VAMP4: variants seen among roughly 807,000 people sequenced by gnomAD.
VAMP4 encodes the protein vesicle-associated membrane protein 4.
A neutral mutation model predicts 23.5 loss-of-function variants in VAMP4; 19 were observed. The observed-to-expected ratio is 0.81, with a 90% CI of 0.56 to 1.19. VAMP4 has a LOEUF of 1.19. VAMP4 is among the 50% of genes most tolerant of loss of function. VAMP4 has a pLI of 0.00. For missense variants in VAMP4, 145 were observed against 168.6 expected (o/e 0.86, Z 0.78); for synonymous variants, 31 against 51.0 (o/e 0.61, Z 1.67).
At chr1:171,716,003 AAAAC>A (rs1356113080) in intron 4 of VAMP4, among the ~76,000 whole-genome samples, 6 of 152,348 alleles carry the variant, frequency 3.9e-5, no homozygotes, top group Non-Finnish European at 7.3e-5. Flanking sequence ...CCTGTTTCAA[AAAAC>A]AAACAAAGCA....
intron 2 of VAMP4, among the ~76,000 whole-genome samples, chr1:171,737,027 C>T (rs1333857501): frequency 2.6e-5 from 4 of 152,016 alleles, no homozygotes; most frequent in African/African-American, 4.8e-5. Context: ...AAAAGCTGTA[C>T]AAAGGGTTAG....
intron 2 of VAMP4, among the ~76,000 whole-genome samples, chr1:171,736,558 G>A (rs1451298510): frequency 6.6e-6 from 1 of 152,150 alleles, no homozygotes; most frequent in East Asian, 1.9e-4. Context: ...AACTGGATTT[G>A]GCAACATGGA....
At chr1:171,730,341 A>G (rs1397322104) in intron 2 of VAMP4, among the ~76,000 whole-genome samples, 2 of 152,262 alleles carry the variant, frequency 1.3e-5, no homozygotes, top group African/African-American at 4.8e-5. Flanking sequence ...GGATGATACA[A>G]TCAATGAATC....
chr1:171,707,954 TG>T (rs2124838054), intron 6 of VAMP4, among the ~76,000 whole-genome samples: 1 of 152,222 alleles, frequency 6.6e-6, no homozygotes, highest in Non-Finnish European at 1.5e-5. Context: ...GAGTGGCTCA[TG>T]GACTTTTTGT....
At chr1:171,723,581 G>A (rs1201723040) in intron 3 of VAMP4, among the ~76,000 whole-genome samples, 1 of 152,170 alleles carries the variant, frequency 6.6e-6, no homozygotes, top group Non-Finnish European at 1.5e-5. Context: ...AGACCTAATG[G>A]TTATCTCCCT....
chr1:171,729,529 T>A (rs1655491180), intron 2 of VAMP4, among the ~76,000 whole-genome samples: 1 of 152,236 alleles, frequency 6.6e-6, no homozygotes, highest in African/African-American at 2.4e-5. Flanking sequence ...GGCATCATGC[T>A]GGTACTTAAA....
chr1:171,731,462 A>C (rs1413053498), intron 2 of VAMP4, among the ~76,000 whole-genome samples: 1 of 152,226 alleles, frequency 6.6e-6, no homozygotes, highest in Non-Finnish European at 1.5e-5. Flanking sequence ...TATGCAGAGA[A>C]TTAAAACAGT....
At chr1:171,740,363 G>C (rs1043697242) in intron 1 of VAMP4, among the ~76,000 whole-genome samples, 5 of 152,174 alleles carry the variant, frequency 3.3e-5, no homozygotes, top group Non-Finnish European at 7.4e-5. Flanking sequence ...CAGTTTGTTT[G>C]TTAATGATAT....
chr1:171,719,046 A>C, intron 4 of VAMP4, 125 bp downstream of exon 4: 4 of 738,632 alleles, frequency 5.4e-6, no homozygotes, highest in Non-Finnish European at 8.8e-6. Context: ...GGGCATGGCT[A>C]TGTTCCAATA....
chr1:171,722,142 CA>C (rs1655216507), intron 3 of VAMP4, among the ~76,000 whole-genome samples: 1 of 152,028 alleles, frequency 6.6e-6, no homozygotes, highest in Admixed American at 6.5e-5. Flanking sequence ...CTGACAAAAA[CA>C]AGAAATAGGG....
At chr1:171,734,097 A>C (rs890638842) in intron 2 of VAMP4, among the ~76,000 whole-genome samples, 7 of 152,012 alleles carry the variant, frequency 4.6e-5, no homozygotes, top group African/African-American at 1.7e-4. Flanking sequence ...GTGGAACCCC[A>C]TCTCTACTAA....
At chr1:171,717,464 A>G (rs570953046) in intron 4 of VAMP4, among the ~76,000 whole-genome samples, 2 of 152,136 alleles carry the variant, frequency 1.3e-5, no homozygotes, top group East Asian at 3.9e-4. Context: ...TTCCCTTATG[A>G]GACTATCATA....
At chr1:171,717,369 T>C (rs1027458089) in intron 4 of VAMP4, among the ~76,000 whole-genome samples, 2 of 152,204 alleles carry the variant, frequency 1.3e-5, no homozygotes, top group African/African-American at 4.8e-5. Flanking sequence ...TACAGCTAAT[T>C]TGAGTCCTGG....
intron 2 of VAMP4, among the ~76,000 whole-genome samples, chr1:171,734,228 A>G (rs913178560): frequency 4.2e-4 from 60 of 142,086 alleles, no homozygotes; most frequent in African/African-American, 1.4e-3. Context: ...AGATCGCACC[A>G]TTGGACTCCA....
At position 171,732,360 on chromosome 1, in the gene VAMP4, G is replaced by GA. The variant is rs532876540; in HGVS notation, c.67-3791dup. ...ACATAGCAAGACCGTGTCTCTATGG[G>GA]AAAAAAAAAAAAAAAAAAAAAATTT... On this transcript the variant is annotated intron_variant, in intron 2 of 7. Coordinates refer to ENST00000236192, the MANE Select transcript of VAMP4 (RefSeq NM_003762.5). Among the ~76,000 whole-genome samples, 467 of 123,508 alleles carry GA rather than the reference G, an allele frequency of 3.8e-3. 3 individuals are homozygous for GA. Among genetic ancestry groups the GA allele is most frequent in the Middle Eastern group, 7.9e-3 (2 of 252 alleles). The allele number at this position is 123,508 out of a possible 152,430, so 81.0% of individuals were successfully genotyped here.
intron 7 of VAMP4, among the ~76,000 whole-genome samples, chr1:171,706,092 G>A (rs1654641259): frequency 6.6e-6 from 1 of 151,942 alleles, no homozygotes; most frequent in South Asian, 2.1e-4. Flanking sequence ...TGGGGGTGAG[G>A]GTTGGGGGCA....
At chr1:171,731,425 T>TA (rs200377599) in intron 2 of VAMP4, among the ~76,000 whole-genome samples, 4 of 151,470 alleles carry the variant, frequency 2.6e-5, no homozygotes, top group Admixed American at 6.6e-5. Context: ...ATAATAATAA[T>TA]AAAAAAAACA....
In VAMP4 at chr1:171,703,678, A is replaced by C. The variant is rs1572235803; in HGVS notation, c.*828T>G. 1 of 152,216 alleles carries C rather than the reference A, an allele frequency of 6.6e-6. No individual in the cohort carries two copies. The highest frequency in any genetic ancestry group is 1.5e-5 in the Non-Finnish European group (1 of 67,770). 9.4% of individuals were successfully genotyped at this position (152,216 alleles called of 1,614,324 possible). On this transcript the variant is annotated 3_prime_UTR_variant, in exon 8 of 8. Transcript: ENST00000236192. ...ACTAAAATAAAATTAAGGAGTAAGT[A>C]AGTTACCTGTAAATTTCATTTACTC... is the stretch of plus-strand genomic sequence containing the variant.
chr1:171,706,367 T>A lies in VAMP4; in HGVS notation c.397A>T (p.Ile133Phe), dbSNP rs759741968. 3.1e-6 allele frequency: 5 copies of A among 1,608,486 alleles called. No individual in the cohort carries two copies. Among genetic ancestry groups the A allele is most frequent in the Non-Finnish European group, 4.2e-6 (5 of 1,177,346 alleles). Residue 133 changes from isoleucine to phenylalanine, a missense_variant and splice_region_variant, in exon 7 of 8, where the codon ATT (isoleucine) becomes TTT (phenylalanine). Physicochemically the swap from Ile to Phe is conservative, Grantham distance 21 (BLOSUM62 0). Coordinates refer to ENST00000236192, the MANE Select transcript of VAMP4 (RefSeq NM_003762.5). The part of the protein sequence containing the change: ...VAAILLLVII[I>F]LIVMKYRT Reference sequence around the variant, plus strand: ...AAGTAATAATCCAATAAATACTTACTGATAATCACTAGCAAAAGGATAGCA... The same window carrying A: ...AAGTAATAATCCAATAAATACTTACAGATAATCACTAGCAAAAGGATAGCA...
Sources: gnomAD v4.1 joint callset for allele counts (sites outside exome capture counted in the v4.1 genomes callset) on GRCh38, gnomAD v4.1.1 for gene constraint, MANE v1.5 for transcripts, NCBI Gene and HGNC (gene_info 2026-07-23, HGNC 2026-07-21) for gene names.